Variants in AFG2A observed in about 807,000 individuals in gnomAD.
AFG2A encodes AAA ATPase AFG2A.
the AFG2A span, chr4:123,028,123 T>A: frequency 1.7e-6 from 2 of 1,181,442 alleles, no homozygotes; most frequent in South Asian, 3.0e-5. Flanking sequence ...ATGTTTTTTA[T>A]TTTTTTTTAG....
chr4:123,297,909 A>G, the AFG2A span, among the ~76,000 whole-genome samples: 1 of 152,122 alleles, frequency 6.6e-6, no homozygotes, highest in South Asian at 2.1e-4. Flanking sequence ...TATAAGCACC[A>G]CAAATTTACA....
the AFG2A span, among the ~76,000 whole-genome samples, chr4:123,148,415 C>G: frequency 6.6e-6 from 1 of 152,052 alleles, no homozygotes; most frequent in African/African-American, 2.4e-5. Context: ...TATAAAATGA[C>G]TTGGAAGCAG....
chr4:122,994,229 T>C, the AFG2A span, among the ~76,000 whole-genome samples: 1 of 152,222 alleles, frequency 6.6e-6, no homozygotes, highest in South Asian at 2.1e-4. Flanking sequence ...ATTTTTAGAA[T>C]AAAAATGCCT....
the AFG2A span, among the ~76,000 whole-genome samples, chr4:123,153,541 C>T: frequency 3.3e-5 from 5 of 152,082 alleles, no homozygotes; most frequent in Admixed American, 6.5e-5. Flanking sequence ...TGTTTGCACC[C>T]GTCTTTAACC....
the AFG2A span, among the ~76,000 whole-genome samples, chr4:122,985,841 C>A: frequency 1.3e-5 from 2 of 150,194 alleles, no homozygotes; most frequent in African/African-American, 2.5e-5. Flanking sequence ...TCTTGTTTCT[C>A]TAATTCCTTG....
the AFG2A span, among the ~76,000 whole-genome samples, chr4:122,939,900 C>T: frequency 4.9e-4 from 75 of 152,122 alleles, no homozygotes; most frequent in Non-Finnish European, 9.3e-4. Context: ...TTTGTCCTTG[C>T]GATAGTTTGC....
chr4:122,940,646 A>C, the AFG2A span, among the ~76,000 whole-genome samples: 1 of 152,074 alleles, frequency 6.6e-6, no homozygotes, highest in Non-Finnish European at 1.5e-5. Flanking sequence ...ATTAGATCCC[A>C]TTTGTCAATT....
At chr4:123,266,221 C>G in the AFG2A span, among the ~76,000 whole-genome samples, 1 of 151,860 alleles carries the variant, frequency 6.6e-6, no homozygotes, top group Non-Finnish European at 1.5e-5. Flanking sequence ...TGGTTAAGTA[C>G]CCTGGGTTAT....
chr4:123,004,041 G>A, the AFG2A span, among the ~76,000 whole-genome samples: 130 of 152,250 alleles, frequency 8.5e-4, 1 homozygote, highest in African/African-American at 2.8e-3. Context: ...CCTCGCTGCC[G>A]CCTTGCAGTT....
the AFG2A span, among the ~76,000 whole-genome samples, chr4:123,255,213 C>T: frequency 1.6e-4 from 24 of 152,326 alleles, no homozygotes; most frequent in African/African-American, 5.3e-4. Flanking sequence ...AGTCTGCCCT[C>T]CTTGCCCTTC....
the AFG2A span, among the ~76,000 whole-genome samples, chr4:123,181,656 A>T: frequency 2.0e-5 from 3 of 152,074 alleles, no homozygotes; most frequent in African/African-American, 7.2e-5. Context: ...TGTAGAAATG[A>T]TTCCAAGCTA....
At chr4:123,076,993 G>A in the AFG2A span, among the ~76,000 whole-genome samples, 1 of 151,184 alleles carries the variant, frequency 6.6e-6, no homozygotes, top group Admixed American at 6.6e-5. Context: ...GTGGGGCGGG[G>A]GGGTTGTGTG....
the AFG2A span, among the ~76,000 whole-genome samples, chr4:123,029,232 GGA>G: frequency 6.6e-6 from 1 of 152,122 alleles, no homozygotes; most frequent in African/African-American, 2.4e-5. Flanking sequence ...CGAATAGCTG[GGA>G]CTACAGGTGC....
At chr4:123,121,267 A>AT in the AFG2A span, among the ~76,000 whole-genome samples, 1 of 151,260 alleles carries the variant, frequency 6.6e-6, no homozygotes, top group African/African-American at 2.4e-5. Flanking sequence ...AAAATAATAA[A>AT]TAAAAAATTT....
At chr4:122,943,232 G>T in the AFG2A span, among the ~76,000 whole-genome samples, 1 of 152,142 alleles carries the variant, frequency 6.6e-6, no homozygotes, top group Non-Finnish European at 1.5e-5. Flanking sequence ...GTTGACAGTG[G>T]GGTGTGAAAG....
At chr4:123,189,406 A>G in the AFG2A span, among the ~76,000 whole-genome samples, 3 of 152,302 alleles carry the variant, frequency 2.0e-5, no homozygotes, top group South Asian at 2.1e-4. Context: ...TGTTTCCTAG[A>G]GAAGCCTCCT....
the AFG2A span, among the ~76,000 whole-genome samples, chr4:123,217,220 G>C: frequency 6.6e-6 from 1 of 152,148 alleles, no homozygotes; most frequent in African/African-American, 2.4e-5. Flanking sequence ...CTGAGCCCCT[G>C]TTGGCTCCAT....
the AFG2A span, among the ~76,000 whole-genome samples, chr4:123,186,439 G>T: frequency 3.7e-4 from 56 of 152,294 alleles, no homozygotes; most frequent in East Asian, 6.4e-3. Context: ...GCCTAAGACA[G>T]CTTTTAGAGT....
At chr4:123,217,984 T>C in the AFG2A span, among the ~76,000 whole-genome samples, 1 of 152,166 alleles carries the variant, frequency 6.6e-6, no homozygotes, top group Non-Finnish European at 1.5e-5. Context: ...ATAGTAAAAT[T>C]TGAAGTCTGT....
Sources: allele counts gnomAD v4.1 joint callset (sites outside exome capture counted in the v4.1 genomes callset), GRCh38; gene constraint gnomAD v4.1.1; transcripts MANE v1.5; gene names NCBI Gene and HGNC (gene_info 2026-07-23, HGNC 2026-07-21).